Variants in AOPEP observed in about 807,000 individuals in gnomAD.
The protein encoded by AOPEP is aminopeptidase O.
AOPEP carries 77 observed loss-of-function variants against 98.1 expected under a neutral mutation model. The observed-to-expected ratio is 0.78, with a 90% CI of 0.65 to 0.95. The LOEUF (loss-of-function observed/expected upper bound fraction) is 0.95, where lower values mean the gene tolerates loss of function less well. Among genes scored for constraint, AOPEP ranks in the 40% least tolerant of loss-of-function variants. AOPEP has a pLI of 0.00. For missense variants in AOPEP, 1,024 were observed against 1,024.7 expected (o/e 1.00, Z 0.01); for synonymous variants, 346 against 365.3 (o/e 0.95, Z 0.60).
At chr9:95,081,704 C>A (rs1157574188) in intron 15 of AOPEP, among the ~76,000 whole-genome samples, 3 of 152,222 alleles carry the variant, frequency 2.0e-5, no homozygotes, top group Non-Finnish European at 4.4e-5. Context: ...ATGGTCTGTT[C>A]TAAAGACCAG....
chr9:94,762,996 C>T (rs539034264), intron 2 of AOPEP: 47 of 268,436 alleles, frequency 1.8e-4, no homozygotes, highest in African/African-American at 1.0e-3. Flanking sequence ...CTCCACGGGA[C>T]AGAGTCTGTC....
chr9:95,104,856 C>A, the AOPEP span, among the ~76,000 whole-genome samples: 1 of 152,184 alleles, frequency 6.6e-6, no homozygotes, highest in Non-Finnish European at 1.5e-5. Flanking sequence ...CATCTCCCCA[C>A]TGCCCCTCCC....
intron 5 of AOPEP, among the ~76,000 whole-genome samples, chr9:94,911,150 A>ACTAGT (rs572638576): frequency 5.7e-4 from 87 of 152,214 alleles, no homozygotes; most frequent in Non-Finnish European, 1.1e-3. Context: ...TCCCTTTGGA[A>ACTAGT]CTAGTGGTTT....
At chr9:94,766,370 C>T (rs377533368) in intron 2 of AOPEP, among the ~76,000 whole-genome samples, 39 of 152,274 alleles carry the variant, frequency 2.6e-4, no homozygotes, top group African/African-American at 9.4e-4. Flanking sequence ...AACCCCGTCT[C>T]TACTAAAATA....
intron 7 of AOPEP, chr9:94,931,663 C>A: frequency 8.7e-7 from 1 of 1,148,588 alleles, no homozygotes; most frequent in South Asian, 1.3e-5. Flanking sequence ...GCCCCATGGT[C>A]TTGAAATGAT....
intron 5 of AOPEP, among the ~76,000 whole-genome samples, chr9:94,868,971 A>G (rs7864389): frequency 0.91 from 139,169 of 152,300 alleles, 63,895 homozygotes; most frequent in East Asian, 0.96. Context: ...GCTCTCGCCT[A>G]TAATCCCAGC....
At chr9:94,894,023 C>T (rs2049175712) in intron 5 of AOPEP, among the ~76,000 whole-genome samples, 1 of 152,114 alleles carries the variant, frequency 6.6e-6, no homozygotes, top group African/African-American at 2.4e-5. Flanking sequence ...CTACTAAAAC[C>T]TCTCTGAACT....
intron 13 of AOPEP, among the ~76,000 whole-genome samples, chr9:95,053,420 C>T (rs966316270): frequency 2.0e-5 from 3 of 151,946 alleles, no homozygotes; most frequent in Admixed American, 2.0e-4. Flanking sequence ...AAAATAATTC[C>T]ATCTCATTCT....
intron 13 of AOPEP, among the ~76,000 whole-genome samples, chr9:95,009,330 T>C (rs925561806): frequency 6.6e-6 from 1 of 152,074 alleles, no homozygotes; most frequent in African/African-American, 2.4e-5. Context: ...TTTATCAATA[T>C]TCTAAGGATT....
chr9:94,779,748 A>G (rs2133103688), intron 3 of AOPEP, among the ~76,000 whole-genome samples: 1 of 152,190 alleles, frequency 6.6e-6, no homozygotes, highest in African/African-American at 2.4e-5. Context: ...TACAATATGA[A>G]TATGGTGCTG....
At position 94,930,678 on chromosome 9, in the gene AOPEP, A is replaced by G. The variant is rs2055143102; in HGVS notation, c.1661+2147A>G. On this transcript the variant is annotated intron_variant, in intron 7 of 16. Transcript: ENST00000375315. This position sits in a 1 kb window ranked among gnomAD's most constrained non-coding sequence, Gnocchi z 4.5. ...AAAGAAGCTGAGGCAAGCAGGTGGG[A>G]GTGGCTGATGTTGGAAGCTGCCTGG... Among the ~76,000 whole-genome samples, 1 of 151,870 alleles carries G rather than the reference A, an allele frequency of 6.6e-6. No homozygotes were observed. Among genetic ancestry groups the G allele is most frequent in the South Asian group, 2.1e-4 (1 of 4,794 alleles).
the AOPEP span, among the ~76,000 whole-genome samples, chr9:95,092,788 GACAGA>G: frequency 6.6e-6 from 1 of 152,184 alleles, no homozygotes; most frequent in Non-Finnish European, 1.5e-5. Flanking sequence ...AACGAGGTCT[GACAGA>G]ACAGAAGTGC....
chr9:95,120,682 C>T, the AOPEP span, among the ~76,000 whole-genome samples: 1 of 152,200 alleles, frequency 6.6e-6, no homozygotes, highest in Non-Finnish European at 1.5e-5. Context: ...CCCACCTTGG[C>T]CTCCTAAAGT....
chr9:94,955,170 G>A lies in AOPEP; in HGVS notation c.1662-7G>A, dbSNP rs768308380. The A allele has an allele frequency of 3.2e-6, 5 of 1,568,196 alleles. No individual in the cohort carries two copies. The highest frequency in any genetic ancestry group is 1.1e-5 in the South Asian group (1 of 88,972). ...TACTTAAATAAATTGTTACTAAATCGTTTTAGACCCAGTAAAGACAAAACT... is the reference window on the plus strand; with the variant it reads ...TACTTAAATAAATTGTTACTAAATCATTTTAGACCCAGTAAAGACAAAACT... On this transcript the variant is annotated splice_polypyrimidine_tract_variant and splice_region_variant and intron_variant, in intron 7 of 16. Coordinates refer to ENST00000375315, the MANE Select transcript of AOPEP (RefSeq NM_001193329.3).
chr9:94,878,323 A>G (rs1287463051), intron 5 of AOPEP, among the ~76,000 whole-genome samples: 1 of 150,290 alleles, frequency 6.7e-6, no homozygotes, highest in Admixed American at 6.7e-5. Flanking sequence ...CAGGTGTTCT[A>G]AGAGTCTGAA....
intron 2 of AOPEP, among the ~76,000 whole-genome samples, chr9:94,771,338 C>A (rs1048686322): frequency 6.6e-6 from 1 of 152,148 alleles, no homozygotes; most frequent in Non-Finnish European, 1.5e-5. Context: ...CCATTTCACC[C>A]GTGACTCAGA....
intron 9 of AOPEP, among the ~76,000 whole-genome samples, chr9:94,966,620 A>G (rs979142839): frequency 1.3e-5 from 2 of 152,228 alleles, no homozygotes; most frequent in African/African-American, 2.4e-5. Flanking sequence ...TATTTATCCA[A>G]AGTATACAAA....
chr9:95,092,931 A>G, the AOPEP span, among the ~76,000 whole-genome samples: 2 of 152,306 alleles, frequency 1.3e-5, no homozygotes, highest in East Asian at 3.9e-4. Context: ...TGACCCTATG[A>G]TTTAAGTCCC....
chr9:95,096,523 G>A, the AOPEP span, among the ~76,000 whole-genome samples: 2 of 152,196 alleles, frequency 1.3e-5, no homozygotes, highest in Admixed American at 1.3e-4. Context: ...CCCAACAGGC[G>A]GCGGGCTCTC....
Sources: allele counts gnomAD v4.1 joint callset (sites outside exome capture counted in the v4.1 genomes callset), GRCh38; gene constraint gnomAD v4.1.1; non-coding constraint Gnocchi (gnomAD v3.1); transcripts MANE v1.5; gene names NCBI Gene and HGNC (gene_info 2026-07-23, HGNC 2026-07-21).